ATAD3B: variants seen among roughly 807,000 people sequenced by gnomAD.
The protein encoded by ATAD3B is ATPase family AAA domain containing 3B.
A neutral mutation model predicts 70.2 loss-of-function variants in ATAD3B; 59 were observed. The ratio of observed to expected loss-of-function variants is 0.84; its 90% CI spans 0.68 to 1.04. ATAD3B has a LOEUF of 1.04. Ranked by LOEUF, ATAD3B falls within the 50% of genes least tolerant of loss-of-function variation. The pLI is 0.00. For missense variants in ATAD3B, 961 were observed against 913.4 expected (o/e 1.05, Z -0.67); for synonymous variants, 423 against 388.6 (o/e 1.09, Z -1.04).
chr1:1,503,568 G>T, the ATAD3B span: 1 of 1,606,254 alleles, frequency 6.2e-7, no homozygotes, highest in South Asian at 1.1e-5. Flanking sequence ...CGCCCTCTGT[G>T]CCCCTGTGCC....
Position 1,471,894 on chromosome 1 carries a change from C to T in ATAD3B, c.10C>T (p.Leu4Phe). Residue 4 changes from leucine (L) to phenylalanine (F), a missense_variant, in exon 1 of 16, where the codon CTC becomes TTC. Leu to Phe is a conservative substitution (Grantham distance 22). Coordinates refer to ENST00000673477, the MANE Select transcript of ATAD3B (RefSeq NM_031921.6). ...CGGCGGCGGTGCGAGCATGTCGTGG[C>T]TCTTCGGCGTTAACAAGGGCCCCAA... MSW[L>F]FGVNKGPKGE... The T allele has an allele frequency of 7.8e-7, 1 of 1,275,438 alleles. No homozygotes were observed. Among genetic ancestry groups the T allele is most frequent in the South Asian group, 3.5e-5 (1 of 28,644 alleles). 79.0% of individuals were successfully genotyped at this position (1,275,438 alleles called of 1,614,324 possible).
In ATAD3B at chr1:1,487,885, G is replaced by C. The variant is rs748289945; in HGVS notation, c.1237G>C (p.Ala413Pro). 6.2e-7 allele frequency: 1 copy of C among 1,613,018 alleles called. No homozygotes were observed. The highest frequency in any genetic ancestry group is 8.5e-7 in the Non-Finnish European group (1 of 1,179,514). Reference protein sequence around the residue: ...RRGLLLFMDEADAFLRKRATE... With the variant: ...RRGLLLFMDEPDAFLRKRATE... ...CAGCCTCCTGCTCTTCATGGATGAAGCAGACGCCTTCCTTCGGAAGCGAGC... is the reference window on the plus strand; with the variant it reads ...CAGCCTCCTGCTCTTCATGGATGAACCAGACGCCTTCCTTCGGAAGCGAGC... Residue 413 changes from alanine to proline, a missense_variant, in exon 12 of 16, where the codon GCA becomes CCA. Physicochemically the swap from Ala to Pro is conservative, Grantham distance 27 (BLOSUM62 -1). Coordinates refer to ENST00000673477, the MANE Select transcript of ATAD3B (RefSeq NM_031921.6).
At chr1:1,474,278 C>T (rs1024174493) in intron 1 of ATAD3B, among the ~76,000 whole-genome samples, 2 of 150,818 alleles carry the variant, frequency 1.3e-5, no homozygotes, top group African/African-American at 2.5e-5. Flanking sequence ...GCAAGCTCCG[C>T]CTCCTGGGTA....
chr1:1,478,547 G>A, intron 2 of ATAD3B, 97 bp from the exon 3 acceptor site: 1 of 1,550,222 alleles, frequency 6.5e-7, no homozygotes, highest in Non-Finnish European at 8.7e-7. Context: ...TCTGGGCACG[G>A]AGTCTCTGCC....
In ATAD3B at chr1:1,478,677, G is replaced by A. The variant is rs749609199; in HGVS notation, c.316G>A (p.Glu106Lys). The change falls in exon 3 of 16, where the codon GAG becomes AAG. Residue 106 changes from glutamate (E) to lysine (K), a missense_variant. Coordinates refer to ENST00000673477, the MANE Select transcript of ATAD3B (RefSeq NM_031921.6). ...YEAAVEQLKS[E>K]QIRAQAEERR... ...GGCCGCCGTGGAGCAGCTCAAGAGC[G>A]AGCAGATCCGGGCGCAGGCTGAGGA... The A allele has an allele frequency of 8.4e-6, 13 of 1,544,586 alleles. 1 individual carries two copies. Among genetic ancestry groups the A allele is most frequent in the African/African-American group, 2.8e-5 (2 of 71,810 alleles).
In ATAD3B at chr1:1,489,441, T is replaced by A. The variant is rs1640410081; in HGVS notation, c.1337+167T>A. ...GCCCAGCTCGGGACAGCACGGGGTG[T>A]CATTGAGGAACATGCAGGGGCCTCC... On this transcript the variant is annotated intron_variant, in intron 13 of 15. Coordinates refer to ENST00000673477, the MANE Select transcript of ATAD3B (RefSeq NM_031921.6). 2 of 1,282,400 alleles carry A rather than the reference T, an allele frequency of 1.6e-6. 1 individual carries two copies. Among genetic ancestry groups the A allele is most frequent in the Non-Finnish European group, 2.1e-6 (2 of 935,078 alleles). The allele number at this position is 1,282,400 out of a possible 1,614,324, so 79.4% of individuals were successfully genotyped here. A position where few individuals can be genotyped will look rare whatever the true frequency, so the allele number is the denominator to read the frequency against.
intron 9 of ATAD3B, 71 bp downstream of exon 9, chr1:1,485,909 T>C (rs1640186484): frequency 6.2e-7 from 1 of 1,609,846 alleles, no homozygotes; most frequent in East Asian, 2.2e-5. Flanking sequence ...CTGTGGCCCT[T>C]GCTAGCGCTC....
At chr1:1,472,208 C>T (rs1639366526) in intron 1 of ATAD3B, 119 bp downstream of exon 1, 5 of 1,397,840 alleles carry the variant, frequency 3.6e-6, no homozygotes, top group Non-Finnish European at 4.7e-6. Flanking sequence ...CGAGACTGCG[C>T]CCCCGGAGCA....
chr1:1,490,135 T>G, intron 13 of ATAD3B, 122 bp from the exon 14 acceptor site: 3 of 1,475,382 alleles, frequency 2.0e-6, no homozygotes, highest in Non-Finnish European at 2.7e-6. Context: ...TTTCCTGTGC[T>G]CACAAGCTGC....
chr1:1,494,168 C>T (rs906110636), intron 15 of ATAD3B, among the ~76,000 whole-genome samples: 14 of 149,996 alleles, frequency 9.3e-5, no homozygotes, highest in African/African-American at 3.3e-4. Flanking sequence ...GACCCACCCG[C>T]GACCAGGTTT....
intron 2 of ATAD3B, among the ~76,000 whole-genome samples, chr1:1,477,838 TGGGATTACA>T (rs1223114544): frequency 6.6e-6 from 1 of 151,704 alleles, no homozygotes; most frequent in Non-Finnish European, 1.5e-5. Flanking sequence ...CTGGAGTAGC[TGGGATTACA>T]GGCACGCGCC....
the ATAD3B span, chr1:1,503,543 G>C: frequency 1.3e-6 from 2 of 1,583,868 alleles, no homozygotes; most frequent in Admixed American, 3.6e-5. Flanking sequence ...AGCGGCATCC[G>C]TGTATCCTAA....
At chr1:1,488,104 G>C (rs1557810897) in intron 12 of ATAD3B, among the ~76,000 whole-genome samples, 190 bp downstream of exon 12, 1 of 151,902 alleles carries the variant, frequency 6.6e-6, no homozygotes. Context: ...ACAGGTGTTT[G>C]CCACCACACC....
chr1:1,499,338 GTGA>G (rs902281317), downstream of ATAD3B, among the ~76,000 whole-genome samples: 1 of 133,794 alleles, frequency 7.5e-6, no homozygotes, highest in Non-Finnish European at 1.5e-5. Context: ...TTGGGTTCAA[GTGA>G]TTCTTCTGCC....
rs189184076 is a variant in ATAD3B, at chr1:1,477,402, C to T, written c.282+52C>T. On this transcript the variant is annotated intron_variant, in intron 2 of 15. Coordinates refer to ENST00000673477, the MANE Select transcript of ATAD3B (RefSeq NM_031921.6). ...GGCCGGGGCGCACATGGGGTTCAGG[C>T]GTGGAGATTGGTGGGGCTGCTACTG... 6,915 of 1,609,678 alleles carry T rather than the reference C, an allele frequency of 4.3e-3. 119 individuals carry two copies. The highest frequency in any genetic ancestry group is 5.2e-3 in the Non-Finnish European group (6,164 of 1,178,354).
At chr1:1,498,900 G>A (rs975790731), downstream of ATAD3B, among the ~76,000 whole-genome samples, 3 of 151,796 alleles carry the variant, frequency 2.0e-5, no homozygotes, top group African/African-American at 4.8e-5. Flanking sequence ...AATGGCGAGC[G>A]CCTGGACAAG....
rs561732013 is a variant in ATAD3B, at chr1:1,492,800, G to A, written c.1614+2129G>A. On this transcript the variant is annotated intron_variant, in intron 15 of 15. Coordinates refer to ENST00000673477, the MANE Select transcript of ATAD3B (RefSeq NM_031921.6). The stretch of plus-strand genomic sequence containing the variant: ...TAAAAAATAAAAAAATTATCCAGGC[G>A]TGGTGGCTGGCGCCTGTAGTCCCAG... Among the ~76,000 whole-genome samples the A allele has an allele frequency of 7.2e-5, 11 of 151,896 alleles. No individual in the cohort carries two copies. The East Asian group carries it at 1.6e-3, about 21-fold the overall frequency.
chr1:1,481,931 T>G (rs1639925396), intron 5 of ATAD3B, among the ~76,000 whole-genome samples: 1 of 150,974 alleles, frequency 6.6e-6, no homozygotes, highest in Admixed American at 6.6e-5. Context: ...GGCATGGGCC[T>G]GTCTGTGGCG....
chr1:1,490,098 C>T (rs1640451257), intron 13 of ATAD3B, 159 bp from the exon 14 acceptor site: 8 of 1,431,142 alleles, frequency 5.6e-6, no homozygotes, highest in African/African-American at 4.3e-5. Flanking sequence ...GGCGGGTGAC[C>T]AGGGCTGTGG....
Sources: gnomAD v4.1 joint callset for allele counts (sites outside exome capture counted in the v4.1 genomes callset) on GRCh38, gnomAD v4.1.1 for gene constraint, MANE v1.5 for transcripts, NCBI Gene and HGNC (gene_info 2026-07-23, HGNC 2026-07-21) for gene names.